The following SWT1 variants were observed in gnomAD, a reference collection of about 807,000 sequenced individuals.
SWT1 encodes transcriptional protein SWT1.
In SWT1, 33 loss-of-function variants were observed where a neutral mutation model predicts 107.3. The observed-to-expected ratio is 0.31, with a 90% confidence interval of 0.23 to 0.41. The LOEUF is 0.41. Among genes scored for constraint, SWT1 ranks in the 10% least tolerant of loss-of-function variants. The pLI is 1.00. For synonymous variants in SWT1, 345 were observed against 348.3 expected (o/e 0.99, Z 0.11); for missense variants, 898 against 1,028.9 (o/e 0.87, Z 1.74).
intron 6 of SWT1, among the ~76,000 whole-genome samples, chr1:185,180,997 G>A (rs1487322040): frequency 1.3e-5 from 2 of 152,160 alleles, no homozygotes; most frequent in East Asian, 1.9e-4. Flanking sequence ...GCAAAGCACC[G>A]TGGCTCAAGC....
chr1:185,177,111 G>C lies in SWT1; in HGVS notation c.966+1998G>C, dbSNP rs1655636738. ...ATTTTTAGTTTAAGTGAACTGGAAGGGGCCCAAAGAGGGCAAGAATTGAGT... is the reference window on the plus strand; with the variant it reads ...ATTTTTAGTTTAAGTGAACTGGAAGCGGCCCAAAGAGGGCAAGAATTGAGT... On this transcript the variant is annotated intron_variant, in intron 5 of 18. Coordinates refer to ENST00000367500, the MANE Select transcript of SWT1 (RefSeq NM_017673.7). The C allele has an allele frequency of 3.3e-6, 3 of 904,702 alleles. No homozygotes were observed. In the South Asian group the frequency reaches 1.5e-4, roughly 46 times the overall value. 56.0% of individuals were successfully genotyped at this position (904,702 alleles called of 1,614,324 possible). A position where few individuals can be genotyped will look rare whatever the true frequency, so the allele number is the denominator to read the frequency against.
intron 15 of SWT1, among the ~76,000 whole-genome samples, chr1:185,228,239 TG>T (rs1030138733): frequency 2.0e-5 from 3 of 150,202 alleles, no homozygotes; most frequent in African/African-American, 7.4e-5. Flanking sequence ...ATACATTTTC[TG>T]CTAGATGCAG....
chr1:185,159,794 TACTC>T (rs1413074616), intron 1 of SWT1, among the ~76,000 whole-genome samples: 1 of 152,162 alleles, frequency 6.6e-6, no homozygotes, highest in Non-Finnish European at 1.5e-5. Flanking sequence ...GGCACAATCT[TACTC>T]ACTACAACCT....
At chr1:185,162,793 T>C (rs1490043083) in intron 2 of SWT1, among the ~76,000 whole-genome samples, 2 of 152,024 alleles carry the variant, frequency 1.3e-5, no homozygotes, top group Non-Finnish European at 2.9e-5. Flanking sequence ...GGTAGTCTAT[T>C]AAGTGTACAA....
Position 185,225,676 on chromosome 1 carries a change from A to G in SWT1, c.2309+3640A>G, listed in dbSNP as rs545581375. ...TAACTAAGGAGCAATAGGCTATACC[A>G]TACAGCCTAGATGTCTAGTAAGTCA... On this transcript the variant is annotated intron_variant, in intron 15 of 18. Coordinates refer to ENST00000367500, the MANE Select transcript of SWT1 (RefSeq NM_017673.7). 2.4e-4 allele frequency among the ~76,000 whole-genome samples: 37 copies of G among 152,290 alleles called. No homozygotes were observed. The South Asian group carries it at 7.5e-3, about 31-fold the overall frequency.
At chr1:185,158,686 G>A (rs1653867884) in intron 1 of SWT1, among the ~76,000 whole-genome samples, 1 of 151,992 alleles carries the variant, frequency 6.6e-6, no homozygotes, top group Admixed American at 6.6e-5. Flanking sequence ...TTCTAAGCAT[G>A]GTCTGTGCTT....
chr1:185,169,470 A>C (rs1654863993), intron 4 of SWT1, among the ~76,000 whole-genome samples: 1 of 152,136 alleles, frequency 6.6e-6, no homozygotes, highest in Non-Finnish European at 1.5e-5. Flanking sequence ...TTGGTGTGCA[A>C]ACAGTGAAAG....
chr1:185,255,943 G>T (rs923637627), intron 16 of SWT1, among the ~76,000 whole-genome samples: 4 of 151,860 alleles, frequency 2.6e-5, no homozygotes, highest in East Asian at 2.0e-4. Flanking sequence ...CATGTTTAGC[G>T]CTTCCTTCAG....
intron 5 of SWT1, 57 bp downstream of exon 5, chr1:185,175,170 TAAG>T: frequency 7.9e-7 from 1 of 1,265,302 alleles, no homozygotes; most frequent in Non-Finnish European, 1.0e-6. Context: ...TTAATATAGT[TAAG>T]TTTTTTCTGT....
In SWT1 at chr1:185,160,944, T is replaced by G. The variant is rs200832084; in HGVS notation, c.84+19T>G. On this transcript the variant is annotated intron_variant, in intron 2 of 18. Transcript: ENST00000367500. Reference sequence around the variant, plus strand: ...TGAAAAAGTAAGAATTTTGATTTACTGACCTAGAGATACATTTCAATTTAT... The same window carrying G: ...TGAAAAAGTAAGAATTTTGATTTACGGACCTAGAGATACATTTCAATTTAT... 8 of 1,554,016 alleles carry G rather than the reference T, an allele frequency of 5.1e-6. No homozygotes were observed. In the East Asian group the frequency reaches 1.8e-4, roughly 35 times the overall value.
chr1:185,185,758 T>C (rs1397249616), intron 9 of SWT1, among the ~76,000 whole-genome samples: 1 of 152,166 alleles, frequency 6.6e-6, no homozygotes, highest in Non-Finnish European at 1.5e-5. Context: ...TTAAGATGAA[T>C]TACTTTAGTC....
At chr1:185,273,915 G>A (rs1664060888) in intron 17 of SWT1, among the ~76,000 whole-genome samples, 1 of 152,040 alleles carries the variant, frequency 6.6e-6, no homozygotes, top group African/African-American at 2.4e-5. Context: ...GGAGGTGGGA[G>A]GATCGCTTGA....
intron 10 of SWT1, among the ~76,000 whole-genome samples, chr1:185,197,076 A>T (rs536503138): frequency 6.6e-6 from 1 of 152,096 alleles, no homozygotes; most frequent in Non-Finnish European, 1.5e-5. Context: ...TCAGTGTGGT[A>T]TTGGCTGTGG....
At chr1:185,279,284 AGC>A (rs1446660144) in intron 18 of SWT1, among the ~76,000 whole-genome samples, 15 of 152,336 alleles carry the variant, frequency 9.8e-5, no homozygotes, top group African/African-American at 3.4e-4. Context: ...AATTTCTTGA[AGC>A]ATGATCCTAG....
chr1:185,193,980 A>T (rs569985960), intron 10 of SWT1, among the ~76,000 whole-genome samples: 1 of 152,328 alleles, frequency 6.6e-6, no homozygotes, highest in South Asian at 2.1e-4. Flanking sequence ...ATGCATATAC[A>T]TCTAAGATTG....
chr1:185,250,907 GCCT>G (rs1661964291), intron 16 of SWT1, among the ~76,000 whole-genome samples: 1 of 152,030 alleles, frequency 6.6e-6, no homozygotes, highest in South Asian at 2.1e-4. Flanking sequence ...AGGTTATCTG[GCCT>G]CCTCGGCCTC....
chr1:185,179,518 T>G (rs1056666354), intron 5 of SWT1, among the ~76,000 whole-genome samples: 2 of 152,178 alleles, frequency 1.3e-5, no homozygotes, highest in Admixed American at 6.5e-5. Context: ...CAGAAACCCC[T>G]GGTGCTCTAA....
chr1:185,277,279 TG>T (rs1175445503), intron 18 of SWT1, among the ~76,000 whole-genome samples: 1 of 152,056 alleles, frequency 6.6e-6, no homozygotes, highest in South Asian at 2.1e-4. Context: ...TTTATTTATT[TG>T]TTTTTTTTTA....
intron 14 of SWT1, among the ~76,000 whole-genome samples, chr1:185,220,825 T>G (rs1659598606): frequency 6.6e-6 from 1 of 152,222 alleles, no homozygotes; most frequent in Non-Finnish European, 1.5e-5. Context: ...ATGTGATATG[T>G]TCAGTGAATT....
Sources: allele counts gnomAD v4.1 joint callset (sites outside exome capture counted in the v4.1 genomes callset), GRCh38; gene constraint gnomAD v4.1.1; transcripts MANE v1.5; gene names NCBI Gene and HGNC (gene_info 2026-07-23, HGNC 2026-07-21).